The following VDAC1 variants were observed in gnomAD, a reference collection of about 807,000 sequenced individuals.
VDAC1 encodes the protein non-selective voltage-gated ion channel VDAC1.
Under a neutral mutation model 34.7 loss-of-function variants are expected in VDAC1, and 10 were observed. The ratio of observed to expected loss-of-function variants is 0.29; its 90% confidence interval spans 0.18 to 0.49. The LOEUF (loss-of-function observed/expected upper bound fraction) is 0.49. VDAC1 is among the 20% of genes least tolerant of loss of function. VDAC1 has a pLI of 0.99. For missense variants in VDAC1, 230 were observed against 347.9 expected, an observed-to-expected ratio of 0.66 and a Z score of 2.69; for synonymous variants, 130 against 136.0, an observed-to-expected ratio of 0.96 and a Z score of 0.30.
At chr5:134,047,799 C>G in the VDAC1 span, among the ~76,000 whole-genome samples, 7 of 152,316 alleles carry the variant, frequency 4.6e-5, no homozygotes, top group East Asian at 1.2e-3. Flanking sequence ...GAGGCTGGCA[C>G]AGTGAAGGGG....
Position 133,974,954 on chromosome 5 carries a change from C to CA in VDAC1, c.702+916dup, listed in dbSNP as rs71842808. On this transcript the variant is annotated intron_variant, in intron 7 of 8. Coordinates refer to ENST00000265333, the MANE Select transcript of VDAC1 (RefSeq NM_003374.3). ...TGGGCAACAAAGGGAGACTCCGTCT[C>CA]AAAAAAAAAAACAAACAAACAGAGA... Among the ~76,000 whole-genome samples, 205 of 122,890 alleles carry CA rather than the reference C, an allele frequency of 1.7e-3. 3 individuals carry two copies. The highest frequency in any genetic ancestry group is 8.8e-3 in the Middle Eastern group (2 of 226). The allele number at this position is 122,890 out of a possible 152,430, so 80.6% of individuals were successfully genotyped here.
the VDAC1 span, among the ~76,000 whole-genome samples, chr5:134,102,459 G>A: frequency 7.7e-4 from 117 of 151,984 alleles, no homozygotes; most frequent in Middle Eastern, 3.4e-3. Flanking sequence ...ACCTGAGGTC[G>A]GGAGTTCGAG....
the VDAC1 span, among the ~76,000 whole-genome samples, chr5:134,105,418 T>G: frequency 1.3e-5 from 2 of 152,362 alleles, no homozygotes; most frequent in Non-Finnish European, 2.9e-5. Flanking sequence ...TTCCGCTCTC[T>G]GAGCCGCAGT....
the VDAC1 span, among the ~76,000 whole-genome samples, chr5:134,039,463 G>A: frequency 2.0e-5 from 3 of 152,164 alleles, no homozygotes; most frequent in Admixed American, 1.3e-4. Flanking sequence ...TGAGTAGCTG[G>A]GACTACAGGC....
chr5:134,040,292 A>G, the VDAC1 span, among the ~76,000 whole-genome samples: 1 of 152,286 alleles, frequency 6.6e-6, no homozygotes, highest in Middle Eastern at 3.4e-3. Context: ...TTAGCTGGGC[A>G]TAGGCCAGGA....
chr5:134,006,750 A>ACCCCCCCC (rs1561605416), upstream of VDAC1, among the ~76,000 whole-genome samples: 1 of 64,878 alleles, frequency 1.5e-5, no homozygotes, highest in African/African-American at 7.0e-5. Flanking sequence ...CCCCCCCCCA[A>ACCCCCCCC]AAAAAAAAAA....
the VDAC1 span, among the ~76,000 whole-genome samples, chr5:134,111,602 A>T: frequency 2.0e-5 from 3 of 152,278 alleles, no homozygotes; most frequent in African/African-American, 7.2e-5. Flanking sequence ...CTCTGCCAGC[A>T]AAGGTCTTGG....
At chr5:134,000,136 C>G (rs1178604753) in intron 1 of VDAC1, among the ~76,000 whole-genome samples, 1 of 152,174 alleles carries the variant, frequency 6.6e-6, no homozygotes, top group Non-Finnish European at 1.5e-5. Context: ...CACACTCCAG[C>G]ACTTTCTCTT....
At chr5:134,064,711 A>ACTT in the VDAC1 span, among the ~76,000 whole-genome samples, 1 of 109,490 alleles carries the variant, frequency 9.1e-6, no homozygotes, top group African/African-American at 4.5e-5. Flanking sequence ...TTTTTCTGTA[A>ACTT]CTTCTTTTTT....
At chr5:134,113,063 T>G in the VDAC1 span, among the ~76,000 whole-genome samples, 119 of 152,270 alleles carry the variant, frequency 7.8e-4, no homozygotes, top group Admixed American at 2.2e-3. Flanking sequence ...GGAGTTGAGG[T>G]GGCGGAGGCT....
chr5:134,044,043 A>C, the VDAC1 span, among the ~76,000 whole-genome samples: 12 of 152,190 alleles, frequency 7.9e-5, no homozygotes, highest in South Asian at 4.1e-4. Context: ...GCTGATGAGC[A>C]CAGACTGCGA....
the VDAC1 span, among the ~76,000 whole-genome samples, chr5:134,072,945 C>T: frequency 6.6e-6 from 1 of 152,208 alleles, no homozygotes; most frequent in African/African-American, 2.4e-5. Context: ...TCGCTGCCAG[C>T]CTCAGAACCC....
the VDAC1 span, among the ~76,000 whole-genome samples, chr5:134,038,462 G>T: frequency 6.6e-6 from 1 of 152,120 alleles, no homozygotes; most frequent in Non-Finnish European, 1.5e-5. Flanking sequence ...GAGCATACAG[G>T]GTTTTGCCGG....
At chr5:134,055,588 GTTTTTTTTTTT>G in the VDAC1 span, among the ~76,000 whole-genome samples, 3 of 59,614 alleles carry the variant, frequency 5.0e-5, no homozygotes, top group South Asian at 2.0e-3. Flanking sequence ...CCCCGCTAAT[GTTTTTTTTTTT>G]TTTTTTTTTT....
the VDAC1 span, among the ~76,000 whole-genome samples, chr5:134,017,635 T>C: frequency 3.3e-5 from 5 of 152,088 alleles, no homozygotes; most frequent in African/African-American, 1.2e-4. Flanking sequence ...CTGAATAGGC[T>C]GGGCATGGTG....
In VDAC1 at chr5:133,986,404, GT is replaced by G. The variant is rs537730784; in HGVS notation, c.323+4450del. ...ATCTAGCACCCAGAATTTTAGTTTT[GT>G]TTTTTTTTTGAGATGGAGTCTTGCT... On this transcript the variant is annotated intron_variant, in intron 5 of 8. Transcript: ENST00000265333. Among the ~76,000 whole-genome samples, 14 of 147,548 alleles carry G rather than the reference GT, an allele frequency of 9.5e-5. No homozygotes were observed. In the South Asian group the frequency reaches 1.9e-3, roughly 21 times the overall value.
At chr5:134,046,235 A>C in the VDAC1 span, among the ~76,000 whole-genome samples, 112 of 151,534 alleles carry the variant, frequency 7.4e-4, 1 homozygote, top group Middle Eastern at 0.017. Flanking sequence ...TCATCGTGTT[A>C]GCCAGGATTG....
upstream of VDAC1, among the ~76,000 whole-genome samples, chr5:134,006,889 G>T (rs1753764962): frequency 6.6e-6 from 1 of 152,088 alleles, no homozygotes; most frequent in Non-Finnish European, 1.5e-5. Flanking sequence ...AGGCAAGAAG[G>T]CTGGCCTCTA....
At chr5:134,010,076 G>A in the VDAC1 span, among the ~76,000 whole-genome samples, 9 of 152,304 alleles carry the variant, frequency 5.9e-5, no homozygotes, top group African/African-American at 2.2e-4. Context: ...ATCAGGAGAT[G>A]TGTAAAGTGA....
Sources: gnomAD v4.1 joint callset for allele counts (sites outside exome capture counted in the v4.1 genomes callset) on GRCh38, gnomAD v4.1.1 for gene constraint, MANE v1.5 for transcripts, NCBI Gene and HGNC (gene_info 2026-07-23, HGNC 2026-07-21) for gene names.